Variants in GRM1 observed in about 807,000 individuals in gnomAD.
GRM1 encodes the protein metabotropic glutamate receptor 1.
Under a neutral mutation model 90.9 loss-of-function variants are expected in GRM1, and 33 were observed. That is an observed-to-expected ratio of 0.36 (90% CI 0.28 to 0.49). The LOEUF (loss-of-function observed/expected upper bound fraction) is 0.49, where lower values mean the gene tolerates loss of function less well. Among genes scored for constraint, GRM1 ranks in the 20% least tolerant of loss-of-function variants. GRM1 has a pLI of 0.99. For synonymous variants in GRM1, 700 were observed against 613.2 expected (o/e 1.14, Z -2.09); for missense variants, 1,190 against 1,534.3 (o/e 0.78, Z 3.75).
chr6:146,208,077 GC>G, intron 2 of GRM1, among the ~76,000 whole-genome samples: 1 of 151,916 alleles, frequency 6.6e-6, no homozygotes, highest in Admixed American at 6.6e-5. Context: ...CTTAAAGGTT[GC>G]CCTGATTCAC....
chr6:146,097,883 C>G (rs184570100), intron 1 of GRM1, among the ~76,000 whole-genome samples: 2 of 152,200 alleles, frequency 1.3e-5, no homozygotes, highest in African/African-American at 4.8e-5. Flanking sequence ...CTATTTATTG[C>G]TTATACCAGC....
intron 2 of GRM1, among the ~76,000 whole-genome samples, chr6:146,291,983 G>A (rs1307455923): frequency 1.3e-5 from 2 of 152,030 alleles, no homozygotes; most frequent in East Asian, 1.9e-4. Context: ...ATATAGTCAG[G>A]TGCAATAGAA....
chr6:146,072,060 A>G (rs1008612296), intron 1 of GRM1, among the ~76,000 whole-genome samples: 11 of 152,156 alleles, frequency 7.2e-5, no homozygotes, highest in Non-Finnish European at 1.6e-4. Context: ...GATTAGGCCA[A>G]TCTGTCTCAA....
At chr6:146,199,494 G>A (rs191902148) in intron 2 of GRM1, among the ~76,000 whole-genome samples, 1 of 152,246 alleles carries the variant, frequency 6.6e-6, no homozygotes. Context: ...ATTACCCAGA[G>A]GTAATTCCCA....
At chr6:146,085,915 G>A (rs1421202426) in intron 1 of GRM1, among the ~76,000 whole-genome samples, 1 of 152,064 alleles carries the variant, frequency 6.6e-6, no homozygotes, top group Non-Finnish European at 1.5e-5. Flanking sequence ...ACTGCTGAAA[G>A]TTCATGGAAT....
chr6:146,050,318 A>G (rs1791480853), intron 1 of GRM1, among the ~76,000 whole-genome samples: 1 of 151,998 alleles, frequency 6.6e-6, no homozygotes. Flanking sequence ...GTGTCTCTCT[A>G]GAAAAGGCAG....
chr6:146,204,324 A>G (rs1362136305), intron 2 of GRM1, among the ~76,000 whole-genome samples: 1 of 152,252 alleles, frequency 6.6e-6, no homozygotes, highest in Non-Finnish European at 1.5e-5. Context: ...TTGCCAATTT[A>G]CCCTAATTTC....
chr6:146,267,643 C>A (rs1036278431), intron 2 of GRM1, among the ~76,000 whole-genome samples: 1 of 60,828 alleles, frequency 1.6e-5, no homozygotes, highest in Non-Finnish European at 2.5e-5. Flanking sequence ...CTGGGCTGCG[C>A]TGGGCTGGGC....
intron 3 of GRM1, among the ~76,000 whole-genome samples, chr6:146,308,126 A>G (rs140738524): frequency 6.6e-6 from 1 of 152,332 alleles, no homozygotes; most frequent in Non-Finnish European, 1.5e-5. Context: ...GCAATGGCAT[A>G]GTGCTTTTTC....
chr6:146,101,920 A>G (rs1490307023), intron 1 of GRM1, among the ~76,000 whole-genome samples: 1 of 151,682 alleles, frequency 6.6e-6, no homozygotes, highest in East Asian at 1.9e-4. Context: ...CTTACTGAGT[A>G]TCTTTTGTGG....
At chr6:146,152,133 C>T (rs1045001933) in intron 1 of GRM1, among the ~76,000 whole-genome samples, 13 of 152,120 alleles carry the variant, frequency 8.5e-5, no homozygotes, top group African/African-American at 3.1e-4. Context: ...CACATTACCA[C>T]GTTGCAATCT....
chr6:146,226,592 T>A (rs1049423739), intron 2 of GRM1, among the ~76,000 whole-genome samples: 2 of 151,992 alleles, frequency 1.3e-5, no homozygotes, highest in African/African-American at 4.8e-5. Flanking sequence ...ATTAGGAGTA[T>A]AATTGGGTGT....
chr6:146,143,188 C>T (rs1208638049), intron 1 of GRM1, among the ~76,000 whole-genome samples: 3 of 152,222 alleles, frequency 2.0e-5, no homozygotes, highest in African/African-American at 4.8e-5. Flanking sequence ...ACATTTACTT[C>T]AAGAGGTCCT....
intron 3 of GRM1, among the ~76,000 whole-genome samples, chr6:146,335,672 A>G (rs1314644187): frequency 6.6e-6 from 1 of 152,064 alleles, no homozygotes; most frequent in Admixed American, 6.6e-5. Flanking sequence ...GGCCCCCAAA[A>G]TGGTAATTTT....
At chr6:146,094,383 A>G (rs1233419270) in intron 1 of GRM1, among the ~76,000 whole-genome samples, 1 of 152,084 alleles carries the variant, frequency 6.6e-6, no homozygotes, top group Non-Finnish European at 1.5e-5. Context: ...TACTACATTA[A>G]CATGGAACTG....
Position 146,205,919 on chromosome 6 carries a change from T to C in GRM1, c.950+46322T>C, listed in dbSNP as rs147474696. Reference sequence around the variant, plus strand: ...CATGTGCAGAGTCACAGGCAGGCTCTCCCAGGGAGGCGGGAGCAGAGGTCC... The same window carrying C: ...CATGTGCAGAGTCACAGGCAGGCTCCCCCAGGGAGGCGGGAGCAGAGGTCC... On this transcript the variant is annotated intron_variant, in intron 2 of 7. Coordinates refer to ENST00000282753, the MANE Select transcript of GRM1 (RefSeq NM_001278064.2). Among the ~76,000 whole-genome samples, 292 of 152,270 alleles carry C rather than the reference T, an allele frequency of 1.9e-3. 5 individuals carry two copies. Among genetic ancestry groups the C allele is most frequent in the East Asian group, 6.0e-3 (31 of 5,172 alleles).
chr6:146,330,856 C>A (rs929062647), intron 3 of GRM1, among the ~76,000 whole-genome samples: 3 of 151,930 alleles, frequency 2.0e-5, no homozygotes, highest in Non-Finnish European at 4.4e-5. Flanking sequence ...ATGCTATGGG[C>A]TGAAAAAAAT....
intron 2 of GRM1, among the ~76,000 whole-genome samples, chr6:146,267,815 C>A (rs1781976094): frequency 6.6e-6 from 1 of 151,818 alleles, no homozygotes; most frequent in Admixed American, 6.6e-5. Flanking sequence ...ATTGTGCCCA[C>A]CAGATTAAGG....
At chr6:146,046,629 T>C (rs1791340604) in intron 1 of GRM1, among the ~76,000 whole-genome samples, 1 of 152,054 alleles carries the variant, frequency 6.6e-6, no homozygotes, top group Non-Finnish European at 1.5e-5. Flanking sequence ...ACTGCTCTAC[T>C]AATTATTAGG....
Sources: gnomAD v4.1 joint callset for allele counts (sites outside exome capture counted in the v4.1 genomes callset) on GRCh38, gnomAD v4.1.1 for gene constraint, MANE v1.5 for transcripts, NCBI Gene and HGNC (gene_info 2026-07-23, HGNC 2026-07-21) for gene names.